Variants in ZNF235 observed in about 807,000 individuals in gnomAD.
ZNF235 encodes zinc finger protein 235, also known as zfp-93.
Under a neutral mutation model 29.4 loss-of-function variants are expected in ZNF235, and 25 were observed. The observed-to-expected ratio is 0.85, with a 90% CI of 0.62 to 1.19. The LOEUF (loss-of-function observed/expected upper bound fraction) is 1.19, where lower values mean the gene tolerates loss of function less well. ZNF235 is among the 50% of genes most tolerant of loss of function. ZNF235 has a pLI of 0.00. For synonymous variants in ZNF235, 300 were observed against 295.3 expected (o/e 1.02, Z -0.16); for missense variants, 788 against 885.0 (o/e 0.89, Z 1.39).
Position 44,287,141 on chromosome 19 carries a change from C to A in ZNF235, c.*77G>T. Reference sequence around the variant, plus strand: ...AGCTTCTAGTTTTAAAGGAACTTTTCACAATCATCAGCATGGACTTCCCAA... The same window carrying A: ...AGCTTCTAGTTTTAAAGGAACTTTTAACAATCATCAGCATGGACTTCCCAA... On this transcript the variant is annotated 3_prime_UTR_variant, in exon 5 of 5. Transcript: ENST00000291182. The A allele has an allele frequency of 7.0e-7, 1 of 1,432,666 alleles. No homozygotes were observed. The highest frequency in any genetic ancestry group is 1.5e-5 in the South Asian group (1 of 65,002). The allele number at this position is 1,432,666 out of a possible 1,614,324, so 88.7% of individuals were successfully genotyped here. A position where few individuals can be genotyped will look rare whatever the true frequency, so the allele number is the denominator to read the frequency against.
chr19:44,303,321 G>A (rs1349526899), intron 2 of ZNF235, 69 bp downstream of exon 2: 4 of 1,564,796 alleles, frequency 2.6e-6, no homozygotes, highest in South Asian at 1.1e-5. Context: ...TTCCCAAACA[G>A]GAAAAATGTG....
chr19:44,299,310 T>C (rs1407994872), intron 3 of ZNF235, among the ~76,000 whole-genome samples: 1 of 152,130 alleles, frequency 6.6e-6, no homozygotes, highest in Non-Finnish European at 1.5e-5. Context: ...ATATACGAAA[T>C]AAGGAATCAG....
intron 2 of ZNF235, among the ~76,000 whole-genome samples, chr19:44,301,178 A>G (rs779443022): frequency 2.6e-5 from 4 of 152,206 alleles, no homozygotes; most frequent in African/African-American, 4.8e-5. Context: ...TCTAGAATAT[A>G]TAAATTCCTA....
chr19:44,297,827 A>C (rs1354661581), intron 4 of ZNF235, among the ~76,000 whole-genome samples: 1 of 152,158 alleles, frequency 6.6e-6, no homozygotes, highest in Admixed American at 6.5e-5. Flanking sequence ...GAATGAAATA[A>C]GGAAGAGGGG....
chr19:44,294,288 T>C (rs1404353394), intron 4 of ZNF235, among the ~76,000 whole-genome samples: 2 of 152,056 alleles, frequency 1.3e-5, no homozygotes, highest in African/African-American at 2.4e-5. Flanking sequence ...ACTTGAAAAC[T>C]AGAAATTCTA....
In ZNF235 at chr19:44,305,018, G is replaced by A; in HGVS notation, c.-96C>T. 9 of 823,160 alleles carry A rather than the reference G, an allele frequency of 1.1e-5. No individual in the cohort carries two copies. The highest frequency in any genetic ancestry group is 1.2e-5 in the Non-Finnish European group (8 of 681,692). 51.0% of individuals were successfully genotyped at this position (823,160 alleles called of 1,614,324 possible). A position where few individuals can be genotyped will look rare whatever the true frequency, so the allele number is the denominator to read the frequency against. Reference sequence around the variant, plus strand: ...CCGACCTCGCCTTCCTGGAGCGGAAGTGCCTCCGAGTGCCCACGGTTCGTG... The same window carrying A: ...CCGACCTCGCCTTCCTGGAGCGGAAATGCCTCCGAGTGCCCACGGTTCGTG... On this transcript the variant is annotated 5_prime_UTR_variant, in exon 1 of 5. Coordinates refer to ENST00000291182, the MANE Select transcript of ZNF235 (RefSeq NM_004234.4).
intron 2 of ZNF235, among the ~76,000 whole-genome samples, 178 bp downstream of exon 2, chr19:44,303,212 T>C (rs925709976): frequency 3.4e-5 from 5 of 148,030 alleles, no homozygotes; most frequent in Admixed American, 6.8e-5. Context: ...AACAGATATA[T>C]ATATATCTCT....
At chr19:44,302,429 A>G (rs1975751204) in intron 2 of ZNF235, among the ~76,000 whole-genome samples, 1 of 152,212 alleles carries the variant, frequency 6.6e-6, no homozygotes, top group Non-Finnish European at 1.5e-5. Context: ...ATGATTATAT[A>G]TGTTGAGTGC....
Position 44,287,223 on chromosome 19 carries a change from G to A in ZNF235, c.2212C>T (p.Leu738=). ...CTGAACCACACCTCTCATTTCTACA[G>A]ATTCCCTCCAGTGTGGACTCTCTGA... ...YHQRVHTGGN[L] The change falls in exon 5 of 5, where the codon CTG becomes TTG. Residue 738 remains leucine, a synonymous_variant. Coordinates refer to ENST00000291182, the MANE Select transcript of ZNF235 (RefSeq NM_004234.4). 6.3e-7 allele frequency: 1 copy of A among 1,589,846 alleles called. No individual in the cohort carries two copies. The highest frequency in any genetic ancestry group is 2.2e-5 in the East Asian group (1 of 44,544).
intron 1 of ZNF235, chr19:44,304,729 G>C: frequency 1.0e-6 from 1 of 985,488 alleles, no homozygotes; most frequent in Non-Finnish European, 1.2e-6. Flanking sequence ...GAGCAGGCAG[G>C]ACTGGCTGGT....
chr19:44,287,160 T>C lies in ZNF235; in HGVS notation c.*58A>G. 6.7e-7 allele frequency: 1 copy of C among 1,494,206 alleles called. No individual in the cohort carries two copies. The allele number at this position is 1,494,206 out of a possible 1,614,324, so 92.6% of individuals were successfully genotyped here. A position where few individuals can be genotyped will look rare whatever the true frequency, so the allele number is the denominator to read the frequency against. Reference sequence around the variant, plus strand: ...ACTTTTCACAATCATCAGCATGGACTTCCCAACGGAGACAAAGATGTGAGC... The same window carrying C: ...ACTTTTCACAATCATCAGCATGGACCTCCCAACGGAGACAAAGATGTGAGC... On this transcript the variant is annotated 3_prime_UTR_variant, in exon 5 of 5. Coordinates refer to ENST00000291182, the MANE Select transcript of ZNF235 (RefSeq NM_004234.4).
At chr19:44,304,428 A>T (rs1975800468) in intron 1 of ZNF235, among the ~76,000 whole-genome samples, 1 of 152,224 alleles carries the variant, frequency 6.6e-6, no homozygotes, top group South Asian at 2.1e-4. Flanking sequence ...AGAAAAGTCC[A>T]AGAATCCAGG....
In ZNF235 at chr19:44,287,007, A is replaced by G. The variant is rs1020642025; in HGVS notation, c.*211T>C. The G allele has an allele frequency of 5.6e-6, 3 of 531,664 alleles. No homozygotes were observed. In the African/African-American group the frequency reaches 5.7e-5, roughly 10 times the overall value. 32.9% of individuals were successfully genotyped at this position (531,664 alleles called of 1,614,324 possible). A position where few individuals can be genotyped will look rare whatever the true frequency, so the allele number is the denominator to read the frequency against. Reference sequence around the variant, plus strand: ...ATATAAACACTGATCATATTTACAGAACAAAGTTTTCTCGCATCTGTGAAA... The same window carrying G: ...ATATAAACACTGATCATATTTACAGGACAAAGTTTTCTCGCATCTGTGAAA... On this transcript the variant is annotated 3_prime_UTR_variant, in exon 5 of 5. Coordinates refer to ENST00000291182, the MANE Select transcript of ZNF235 (RefSeq NM_004234.4).
intron 1 of ZNF235, among the ~76,000 whole-genome samples, chr19:44,304,455 G>C (rs1975801122): frequency 6.6e-6 from 1 of 152,182 alleles, no homozygotes; most frequent in South Asian, 2.1e-4. Flanking sequence ...CCCACATCAG[G>C]CAAGGATTAG....
At chr19:44,289,295 C>A in intron 4 of ZNF235, 99 bp from the exon 5 acceptor site, 4 of 1,093,842 alleles carry the variant, frequency 3.7e-6, no homozygotes, top group Non-Finnish European at 5.0e-6. Flanking sequence ...ATGGAAACGT[C>A]AAAAAAACAA....
Position 44,288,896 on chromosome 19 carries a change from G to A in ZNF235, c.539C>T (p.Pro180Leu), listed in dbSNP as rs201124047. 26 of 1,613,844 alleles carry A rather than the reference G, an allele frequency of 1.6e-5. No homozygotes were observed. The South Asian group carries it at 1.6e-4, about 10-fold the overall frequency. Residue 180 changes from proline (P) to leucine (L), a missense_variant, in exon 5 of 5, where the codon CCG (proline) becomes CTG (leucine). Transcript: ENST00000291182. ...CAGATATATTTTACTCCAAGAATTC[G>A]GAACTTTCCCAGTTGGAAATTCTTG... ...ENQEFPTGKVPNSWSKIYLNE... is the reference protein window; with the variant it reads ...ENQEFPTGKVLNSWSKIYLNE...
intron 1 of ZNF235, among the ~76,000 whole-genome samples, chr19:44,304,230 G>A (rs1415642543): frequency 1.3e-5 from 2 of 152,028 alleles, no homozygotes; most frequent in Non-Finnish European, 2.9e-5. Context: ...TCTAAGAAAT[G>A]GTGTTACACT....
rs1275633575 is a variant in ZNF235 at position 44,286,961 on chromosome 19, A to T, written c.*257T>A. 1 of 368,116 alleles carries T rather than the reference A, an allele frequency of 2.7e-6. No homozygotes were observed. Among genetic ancestry groups the T allele is most frequent in the Non-Finnish European group, 4.9e-6 (1 of 205,638 alleles). The allele number at this position is 368,116 out of a possible 1,614,324, so 22.8% of individuals were successfully genotyped here. A position where few individuals can be genotyped will look rare whatever the true frequency, so the allele number is the denominator to read the frequency against. On this transcript the variant is annotated 3_prime_UTR_variant, in exon 5 of 5. Coordinates refer to ENST00000291182, the MANE Select transcript of ZNF235 (RefSeq NM_004234.4). Reference sequence around the variant, plus strand: ...TTTTCTGCTGTGTTACATCTTGAGAACCGGGACACCTGGTACTCTGATATA... The same window carrying T: ...TTTTCTGCTGTGTTACATCTTGAGATCCGGGACACCTGGTACTCTGATATA...
chr19:44,289,547 G>A (rs748005347), intron 4 of ZNF235: 7 of 171,006 alleles, frequency 4.1e-5, no homozygotes, highest in African/African-American at 1.4e-4. Context: ...TAGTTCCTTC[G>A]GTATCAGGCT....
Sources: gnomAD v4.1 joint callset for allele counts (sites outside exome capture counted in the v4.1 genomes callset) on GRCh38, gnomAD v4.1.1 for gene constraint, MANE v1.5 for transcripts, NCBI Gene and HGNC (gene_info 2026-07-23, HGNC 2026-07-21) for gene names.